TRIM4: variants seen among roughly 807,000 people sequenced by gnomAD.
The protein encoded by TRIM4 is E3 ubiquitin-protein ligase TRIM4.
A neutral mutation model predicts 33.7 loss-of-function variants in TRIM4; 29 were observed. The ratio of observed to expected loss-of-function variants is 0.86; its 90% confidence interval spans 0.64 to 1.17. The LOEUF is 1.17. Ranked by LOEUF, TRIM4 falls within the 50% of genes most tolerant of loss-of-function variation. TRIM4 has a pLI of 0.00. For synonymous variants in TRIM4, 224 were observed against 233.0 expected (o/e 0.96, Z 0.35); for missense variants, 554 against 593.7 (o/e 0.93, Z 0.69).
In TRIM4 at chr7:99,908,775, T is replaced by G. The variant is rs781090856; in HGVS notation, c.527A>C (p.Glu176Ala). The G allele has an allele frequency of 3.1e-6, 5 of 1,614,074 alleles. No homozygotes were observed. In the Admixed American group the frequency reaches 5.0e-5, roughly 16 times the overall value. Reference protein sequence around the residue: ...IKSQRMRISTEFSKLHNFLVE... With the variant: ...IKSQRMRISTAFSKLHNFLVE... ...CAGGAAGTTGTGCAGCTTTGAAAAC[T>G]CCGTGCTGATTCTCATTCGCTGACT... The change falls in exon 3 of 6, where the codon GAG becomes GCG. Residue 176 changes from glutamate to alanine, a missense_variant. Around this residue, in one of 3 missense-constraint regions of TRIM4, gnomAD observed 31 missense variants for 54.8 expected, o/e 0.57. Coordinates refer to ENST00000349062, the MANE Select transcript of TRIM4 (RefSeq NM_033091.3).
At chr7:99,905,223 A>C (rs1819271866) in intron 3 of TRIM4, among the ~76,000 whole-genome samples, 1 of 152,162 alleles carries the variant, frequency 6.6e-6, no homozygotes, top group Non-Finnish European at 1.5e-5. Context: ...GAGGATACAC[A>C]GCAACTGGAA....
At position 99,907,340 on chromosome 7, in the gene TRIM4, C is replaced by T. The variant is rs139998899; in HGVS notation, c.720+1242G>A. ...GGCCAGTCTGGTCTCAAACTCCTGA[C>T]CTCAGGTGATCCACCCACCTCAACC... On this transcript the variant is annotated intron_variant, in intron 3 of 5. Transcript: ENST00000349062. 9.2e-3 allele frequency among the ~76,000 whole-genome samples: 1,408 copies of T among 152,274 alleles called. 20 individuals are homozygous for T. Among genetic ancestry groups the T allele is most frequent in the African/African-American group, 0.031 (1,288 of 41,544 alleles).
At chr7:99,898,284 G>A (rs1819068537) in intron 5 of TRIM4, among the ~76,000 whole-genome samples, 1 of 152,212 alleles carries the variant, frequency 6.6e-6, no homozygotes, top group Non-Finnish European at 1.5e-5. Flanking sequence ...TGCAGATACA[G>A]GTAGTAAGTC....
intron 5 of TRIM4, among the ~76,000 whole-genome samples, chr7:99,894,351 T>C (rs1818964184): frequency 6.6e-6 from 1 of 152,200 alleles, no homozygotes; most frequent in Non-Finnish European, 1.5e-5. Context: ...CTTAAATGTT[T>C]GGTGAAATGT....
chr7:99,919,472 C>T lies in TRIM4; in HGVS notation c.-71G>A, dbSNP rs866448741. On this transcript the variant is annotated 5_prime_UTR_variant, in exon 1 of 6. Transcript: ENST00000349062. ...GAGGCCAGCAAGCTGCGAGCGGCCG[C>T]GGGGAGGCCAGACGACTTCCGAACC... is the stretch of plus-strand genomic sequence containing the variant. 5.3e-5 allele frequency: 76 copies of T among 1,421,668 alleles called. No individual in the cohort carries two copies. The African/African-American group carries it at 9.9e-4, about 19-fold the overall frequency. The allele number at this position is 1,421,668 out of a possible 1,614,324, so 88.1% of individuals were successfully genotyped here.
At chr7:99,903,958 T>A (rs976590019) in intron 3 of TRIM4, among the ~76,000 whole-genome samples, 1 of 152,214 alleles carries the variant, frequency 6.6e-6, no homozygotes, top group East Asian at 1.9e-4. Context: ...CTTCCTGTTG[T>A]TTTACAAGAT....
At chr7:99,893,623 T>G (rs572061550) in intron 5 of TRIM4, among the ~76,000 whole-genome samples, 1 of 152,086 alleles carries the variant, frequency 6.6e-6, no homozygotes, top group Non-Finnish European at 1.5e-5. Context: ...GGTGTCAGAG[T>G]CCCCTCCACC....
chr7:99,910,037 ATTT>A (rs149716453), intron 1 of TRIM4, among the ~76,000 whole-genome samples: 9,813 of 152,148 alleles, frequency 0.064, 341 homozygotes, highest in Middle Eastern at 0.071. Flanking sequence ...TGGCAACTTC[ATTT>A]TTTAAGAGCT....
intron 5 of TRIM4, among the ~76,000 whole-genome samples, chr7:99,893,040 C>T (rs1351894919): frequency 2.0e-5 from 3 of 152,052 alleles, no homozygotes; most frequent in Non-Finnish European, 4.4e-5. Flanking sequence ...CTGGAGGTCA[C>T]GAGAGTGAGA....
rs902484291 is a variant in TRIM4, at chr7:99,919,047, C to T, written c.355G>A (p.Ala119Thr). Residue 119 changes from alanine (A) to threonine (T), a missense_variant, in exon 1 of 6, where the codon GCC (alanine) becomes ACC (threonine). Physicochemically the swap from Ala to Thr is moderately conservative, Grantham distance 58. Coordinates refer to ENST00000349062, the MANE Select transcript of TRIM4 (RefSeq NM_033091.3). ...AAGGCCTCGTCGATGGGTGCCATGG[C>T]GTGAGTCTGGTGCTCCTGGGACTCC... ...CRESQEHQTH[A>T]MAPIDEAFES... 1 of 1,583,144 alleles carries T rather than the reference C, an allele frequency of 6.3e-7. No homozygotes were observed.
At chr7:99,904,109 A>T (rs1819240556) in intron 3 of TRIM4, among the ~76,000 whole-genome samples, 1 of 152,224 alleles carries the variant, frequency 6.6e-6, no homozygotes, top group Non-Finnish European at 1.5e-5. Context: ...AATTTTCCCA[A>T]CTGATTTTTC....
At chr7:99,913,028 A>G (rs1246305326) in intron 1 of TRIM4, among the ~76,000 whole-genome samples, 1 of 152,226 alleles carries the variant, frequency 6.6e-6, no homozygotes, top group African/African-American at 2.4e-5. Context: ...TGAGGTTTGT[A>G]ATGAGATATA....
At position 99,909,644 on chromosome 7, in the gene TRIM4, G is replaced by T; in HGVS notation, c.410C>A (p.Ser137Tyr). The T allele has an allele frequency of 6.2e-7, 1 of 1,612,180 alleles. No homozygotes were observed. Among genetic ancestry groups the T allele is most frequent in the Non-Finnish European group, 8.5e-7 (1 of 1,179,576 alleles). Residue 137 changes from serine to tyrosine, a missense_variant, in exon 2 of 6, where the codon TCT becomes TAT. This residue lies in a region of TRIM4 where 233 missense variants were observed against 203.1 expected (regional missense o/e 1.15). Transcript: ENST00000349062. ...FESYREKLLK[S>Y]QRNLVAKMKK... ...CATCTTGGCCACGAGATTACGCTGA[G>T]ACTTAAGAAGTTTCTCCTGCCAGCA... is the stretch of plus-strand genomic sequence containing the variant.
At chr7:99,906,070 G>A (rs916228034) in intron 3 of TRIM4, among the ~76,000 whole-genome samples, 2 of 152,062 alleles carry the variant, frequency 1.3e-5, no homozygotes, top group Admixed American at 6.6e-5. Context: ...GCTTGTACCC[G>A]GGAGGCAGAG....
rs190962195 is a variant in TRIM4, at chr7:99,898,248, C to T, written c.841+4970G>A. Among the ~76,000 whole-genome samples, 6 of 152,276 alleles carry T rather than the reference C, an allele frequency of 3.9e-5. No homozygotes were observed. In the East Asian group the frequency reaches 7.7e-4, roughly 20 times the overall value. ...CCCCAGCTGTGGGGTATTCCATACA[C>T]GATGGACAAGGGTGAGTAACAAGAG... On this transcript the variant is annotated intron_variant, in intron 5 of 5. Coordinates refer to ENST00000349062, the MANE Select transcript of TRIM4 (RefSeq NM_033091.3).
At chr7:99,904,783 G>A (rs1480578861) in intron 3 of TRIM4, among the ~76,000 whole-genome samples, 2 of 152,136 alleles carry the variant, frequency 1.3e-5, no homozygotes, top group Non-Finnish European at 1.5e-5. Context: ...TGTAATCCCA[G>A]CACTTTGGGA....
chr7:99,893,124 C>T lies in TRIM4; in HGVS notation c.842-378G>A, dbSNP rs1371947371. ...AAACAAACAAACAAAAAAACTGGCCCGGCATGATGGTGGGCACCTGTAATC... is the reference window on the plus strand; with the variant it reads ...AAACAAACAAACAAAAAAACTGGCCTGGCATGATGGTGGGCACCTGTAATC... On this transcript the variant is annotated intron_variant, in intron 5 of 5. Coordinates refer to ENST00000349062, the MANE Select transcript of TRIM4 (RefSeq NM_033091.3). Among the ~76,000 whole-genome samples, 10 of 152,174 alleles carry T rather than the reference C, an allele frequency of 6.6e-5. No individual in the cohort carries two copies. In the East Asian group the frequency reaches 1.2e-3, roughly 18 times the overall value.
At chr7:99,902,241 T>C (rs1258352753) in intron 5 of TRIM4, 6 of 729,388 alleles carry the variant, frequency 8.2e-6, no homozygotes, top group Non-Finnish European at 1.3e-5. Context: ...CACAACATGG[T>C]TCTTTTTAGT....
At chr7:99,896,320 C>T (rs1177308709) in intron 5 of TRIM4, among the ~76,000 whole-genome samples, 1 of 152,102 alleles carries the variant, frequency 6.6e-6, no homozygotes, top group East Asian at 1.9e-4. Context: ...GAGATCTGCT[C>T]CTTTTCTAGG....
Sources: gnomAD v4.1 joint callset for allele counts (sites outside exome capture counted in the v4.1 genomes callset) on GRCh38, gnomAD v4.1.1 for gene constraint, gnomAD v4.1.1 regional missense constraint, MANE v1.5 for transcripts, NCBI Gene and HGNC (gene_info 2026-07-23, HGNC 2026-07-21) for gene names.